The following OSGIN2 variants were observed in gnomAD, a reference collection of about 807,000 sequenced individuals.
OSGIN2 encodes the protein oxidative stress-induced growth inhibitor 2.
OSGIN2 carries 19 observed loss-of-function variants against 53.8 expected under a neutral mutation model. That is an observed-to-expected ratio of 0.35 (90% CI 0.25 to 0.52). The LOEUF is 0.52. OSGIN2 is among the 20% of genes least tolerant of loss of function. OSGIN2 has a pLI of 0.95. For synonymous variants in OSGIN2, 236 were observed against 236.0 expected, an observed-to-expected ratio of 1.00 and a Z score of 0.00; for missense variants, 520 against 662.7, an observed-to-expected ratio of 0.78 and a Z score of 2.36.
intron 5 of OSGIN2, 27 bp from the exon 6 acceptor site, chr8:89,924,476 A>G: frequency 1.3e-6 from 2 of 1,509,336 alleles, no homozygotes; most frequent in African/African-American, 2.8e-5. Flanking sequence ...GTATCCTTAT[A>G]GGATATTTTT....
Position 89,922,243 on chromosome 8 carries a change from T to C in OSGIN2, c.620+1072T>C, listed in dbSNP as rs575369285. On this transcript the variant is annotated intron_variant, in intron 5 of 5. Coordinates refer to ENST00000451899, the MANE Select transcript of OSGIN2 (RefSeq NM_001126111.3). ...GCTACATAACAACCATGTTAATTCATAGAAATTTTCCTTAATATGAGGAAA... is the reference window on the plus strand; with the variant it reads ...GCTACATAACAACCATGTTAATTCACAGAAATTTTCCTTAATATGAGGAAA... Among the ~76,000 whole-genome samples the C allele has an allele frequency of 9.8e-4, 149 of 152,338 alleles. 1 individual carries two copies. The highest frequency in any genetic ancestry group is 1.4e-3 in the Non-Finnish European group (96 of 68,018).
intron 4 of OSGIN2, among the ~76,000 whole-genome samples, chr8:89,916,425 C>T (rs2130704293): frequency 6.6e-6 from 1 of 152,298 alleles, no homozygotes; most frequent in East Asian, 1.9e-4. Flanking sequence ...TGCCAGTCAT[C>T]ACCTCTGTGA....
At chr8:89,913,706 G>C (rs965439415) in intron 2 of OSGIN2, among the ~76,000 whole-genome samples, 1 of 152,090 alleles carries the variant, frequency 6.6e-6, no homozygotes, top group African/African-American at 2.4e-5. Context: ...TGAAGGAGAG[G>C]GCACCTCAAT....
At chr8:89,917,216 G>T (rs1809098421) in intron 4 of OSGIN2, among the ~76,000 whole-genome samples, 1 of 152,152 alleles carries the variant, frequency 6.6e-6, no homozygotes, top group Non-Finnish European at 1.5e-5. Context: ...ACTCACTCCA[G>T]TGGCTCCACT....
At chr8:89,919,104 C>T (rs1809144843) in intron 4 of OSGIN2, among the ~76,000 whole-genome samples, 2 of 152,304 alleles carry the variant, frequency 1.3e-5, no homozygotes, top group South Asian at 4.1e-4. Context: ...TCACCATACT[C>T]CAATCTAGCC....
chr8:89,906,512 T>C (rs1312932082), intron 1 of OSGIN2, among the ~76,000 whole-genome samples: 1 of 152,208 alleles, frequency 6.6e-6, no homozygotes, highest in African/African-American at 2.4e-5. Flanking sequence ...CTCCCCCTTA[T>C]AAGTGACAAC....
intron 1 of OSGIN2, 75 bp downstream of exon 1, chr8:89,902,912 C>T: frequency 1.8e-6 from 2 of 1,113,788 alleles, no homozygotes; most frequent in Admixed American, 3.5e-5. Flanking sequence ...CTGGCCCGGG[C>T]CGGGACCGGG....
intron 5 of OSGIN2, 190 bp downstream of exon 5, chr8:89,921,361 G>A (rs781237849): frequency 2.1e-6 from 1 of 467,282 alleles, no homozygotes. Flanking sequence ...ACTAAGCACA[G>A]AGCTAAGGGA....
intron 4 of OSGIN2, among the ~76,000 whole-genome samples, chr8:89,919,501 ACT>A (rs772520332): frequency 1.3e-5 from 2 of 151,996 alleles, no homozygotes; most frequent in Admixed American, 6.6e-5. Flanking sequence ...GTTAGGATAA[ACT>A]CTCATGGTTA....
Position 89,925,087 on chromosome 8 carries a change from A to G in OSGIN2, c.1205A>G (p.His402Arg). The change falls in exon 6 of 6, where the codon CAT (histidine) becomes CGT (arginine). Residue 402 changes from histidine (H) to arginine (R), a missense_variant. His to Arg is a conservative substitution (Grantham distance 29). Around this residue, in one of 3 missense-constraint regions of OSGIN2, gnomAD observed 239 missense variants for 328.3 expected, o/e 0.73. Coordinates refer to ENST00000451899, the MANE Select transcript of OSGIN2 (RefSeq NM_001126111.3). The part of the protein sequence containing the change: ...KLYPEYHKVY[H>R]MMCTQSYSVD... ...TATCCTGAATATCATAAAGTCTATC[A>G]TATGATGTGTACTCAGTCATATTCT... The G allele has an allele frequency of 6.2e-7, 1 of 1,613,084 alleles. No homozygotes were observed. Among genetic ancestry groups the G allele is most frequent in the Non-Finnish European group, 8.5e-7 (1 of 1,178,970 alleles).
chr8:89,911,932 C>T (rs578135230), intron 2 of OSGIN2, among the ~76,000 whole-genome samples: 56 of 118,420 alleles, frequency 4.7e-4, no homozygotes, highest in African/African-American at 2.0e-3. Context: ...AGCGAGACTC[C>T]GTCTCAAAAA....
intron 2 of OSGIN2, among the ~76,000 whole-genome samples, chr8:89,911,290 A>G (rs549651263): frequency 6.6e-6 from 1 of 152,262 alleles, no homozygotes; most frequent in Admixed American, 6.5e-5. Flanking sequence ...TCATATCTAC[A>G]GAGTCCTTTT....
Position 89,925,014 on chromosome 8 carries a change from C to T in OSGIN2, c.1132C>T (p.Arg378Ter), listed in dbSNP as rs758937124. 8.7e-6 allele frequency: 14 copies of T among 1,613,770 alleles called. No individual in the cohort carries two copies. Among genetic ancestry groups the T allele is most frequent in the African/African-American group, 1.3e-5 (1 of 74,930 alleles). ...NIPVIHVFRR[R>*]VTDPSLIFKQ... Reference sequence around the variant, plus strand: ...CCCTGTGATTCATGTGTTTCGCAGACGAGTAACTGATCCAAGCTTAATTTT... The same window carrying T: ...CCCTGTGATTCATGTGTTTCGCAGATGAGTAACTGATCCAAGCTTAATTTT... Residue 378 changes from arginine (R) to a stop codon, truncating the protein, a stop_gained, in exon 6 of 6, where the codon CGA becomes TGA. Transcript: ENST00000451899. LOFTEE classifies it high-confidence loss of function.
In OSGIN2 at chr8:89,927,825, A is replaced by C. The variant is rs571786812; in HGVS notation, c.*2293A>C. 1 of 152,354 alleles carries C rather than the reference A, an allele frequency of 6.6e-6. No homozygotes were observed. Among genetic ancestry groups the C allele is most frequent in the African/African-American group, 2.4e-5 (1 of 41,576 alleles). 9.4% of individuals were successfully genotyped at this position (152,354 alleles called of 1,614,324 possible). A position where few individuals can be genotyped will look rare whatever the true frequency, so the allele number is the denominator to read the frequency against. ...CAAATTTTAGTTGATTGTATTAGTC[A>C]ATAGGAAGTGGTGGAAAATTTCTAA... On this transcript the variant is annotated 3_prime_UTR_variant, in exon 6 of 6. Coordinates refer to ENST00000451899, the MANE Select transcript of OSGIN2 (RefSeq NM_001126111.3).
At chr8:89,912,925 G>C (rs115848451) in intron 2 of OSGIN2, among the ~76,000 whole-genome samples, 178 of 152,198 alleles carry the variant, frequency 1.2e-3, no homozygotes, top group African/African-American at 3.9e-3. Flanking sequence ...AACTCTGGGT[G>C]GGGGGCCGCA....
Position 89,924,832 on chromosome 8 carries a change from T to A in OSGIN2, c.950T>A (p.Ile317Asn). 1 of 1,614,128 alleles carries A rather than the reference T, an allele frequency of 6.2e-7. No homozygotes were observed. Among genetic ancestry groups the A allele is most frequent in the Non-Finnish European group, 8.5e-7 (1 of 1,180,004 alleles). ...CTGGATTCTCCTGCCCATCTGGAAA[T>A]TGAAGGGGAAGATTTTCCTTTTGTG... ...GTLDSPAHLE[I>N]EGEDFPFVFH... Residue 317 changes from isoleucine (I) to asparagine (N), a missense_variant, in exon 6 of 6, where the codon ATT becomes AAT. By Grantham distance (149) the Ile-to-Asn change is moderately radical. Around this residue, in one of 3 missense-constraint regions of OSGIN2, gnomAD observed 239 missense variants for 328.3 expected, o/e 0.73. Coordinates refer to ENST00000451899, the MANE Select transcript of OSGIN2 (RefSeq NM_001126111.3).
intron 1 of OSGIN2, among the ~76,000 whole-genome samples, chr8:89,903,640 A>G (rs1227471755): frequency 6.6e-6 from 1 of 152,244 alleles, no homozygotes; most frequent in Non-Finnish European, 1.5e-5. Context: ...CAATTTAGGT[A>G]ACCCATGAAC....
At position 89,917,650 on chromosome 8, in the gene OSGIN2, CTCTT is replaced by C. The variant is rs1229191993; in HGVS notation, c.528+2906_528+2909del. Among the ~76,000 whole-genome samples, 7 of 152,280 alleles carry C rather than the reference CTCTT, an allele frequency of 4.6e-5. No individual in the cohort carries two copies. In the East Asian group the frequency reaches 9.6e-4, roughly 21 times the overall value. ...TATTAACTTCTTTTCAAACCTTTAT[CTCTT>C]TTTTTTCTTTCATGCTTAGAAGTGG... On this transcript the variant is annotated intron_variant, in intron 4 of 5. Transcript: ENST00000451899.
At chr8:89,915,039 A>G (rs1302725198) in intron 4 of OSGIN2, among the ~76,000 whole-genome samples, 2 of 152,244 alleles carry the variant, frequency 1.3e-5, no homozygotes, top group East Asian at 1.9e-4. Flanking sequence ...TTAAAACTCA[A>G]TTCATTTTAG....
Sources: gnomAD v4.1 joint callset for allele counts (sites outside exome capture counted in the v4.1 genomes callset) on GRCh38, gnomAD v4.1.1 for gene constraint, gnomAD v4.1.1 regional missense constraint, MANE v1.5 for transcripts, NCBI Gene and HGNC (gene_info 2026-07-23, HGNC 2026-07-21) for gene names.